RPS6KA6: variants seen among roughly 807,000 people sequenced by gnomAD.
The protein encoded by RPS6KA6 is ribosomal protein S6 kinase A6, also known as ribosomal protein S6 kinase alpha-6.
A neutral mutation model predicts 65.4 loss-of-function variants in RPS6KA6; 27 were observed. That is an observed-to-expected ratio of 0.41 (90% CI 0.30 to 0.57). RPS6KA6 has a LOEUF of 0.57. RPS6KA6 is among the 20% of genes least tolerant of loss of function. The pLI is 0.24. For synonymous variants in RPS6KA6, 190 were observed against 184.2 expected (o/e 1.03, Z -0.26); for missense variants, 486 against 555.6 (o/e 0.87, Z 1.26).
chrX:84,116,307 T>C lies in RPS6KA6; in HGVS notation c.950-20A>G, dbSNP rs1482016812. 6 of 995,272 alleles carry C rather than the reference T, an allele frequency of 6.0e-6. No homozygotes were observed. The highest frequency in any genetic ancestry group is 3.3e-5 in the East Asian group (1 of 30,121). 82.0% of individuals were successfully genotyped at this position (995,272 alleles called of 1,213,427 possible). On this transcript the variant is annotated intron_variant, in intron 11 of 21. Transcript: ENST00000262752. ...CTGATCCTATAAAAAAAAGAAATGA[T>C]ATTTTATTTTTATGATTTTTTTTAG... is the stretch of plus-strand genomic sequence containing the variant.
chrX:84,161,373 A>G (rs2035509135), intron 2 of RPS6KA6, among the ~76,000 whole-genome samples: 1 of 111,831 alleles, frequency 8.9e-6, no homozygotes, highest in Admixed American at 9.5e-5. Context: ...TCGACTTTAT[A>G]GTGGCTGACC....
At chrX:84,130,238 C>T (rs1668391997) in intron 8 of RPS6KA6, among the ~76,000 whole-genome samples, 1 of 111,066 alleles carries the variant, frequency 9.0e-6, no homozygotes, top group African/African-American at 3.3e-5. Context: ...AGACACTTCT[C>T]AAAGAAATAA....
intron 3 of RPS6KA6, among the ~76,000 whole-genome samples, chrX:84,152,711 G>A (rs2035349600): frequency 9.0e-6 from 1 of 111,412 alleles, no homozygotes; most frequent in African/African-American, 3.3e-5. Flanking sequence ...TGAGGACAGA[G>A]AAATTTGTCA....
Position 84,060,807 on chromosome X carries a change from G to C in RPS6KA6, c.*3470C>G, listed in dbSNP as rs771256213. 4 of 112,029 alleles carry C rather than the reference G, an allele frequency of 3.6e-5. No homozygotes were observed. Among genetic ancestry groups the C allele is most frequent in the African/African-American group, 1.3e-4 (4 of 30,881 alleles). 9.2% of individuals were successfully genotyped at this position (112,029 alleles called of 1,213,427 possible). A position where few individuals can be genotyped will look rare whatever the true frequency, so the allele number is the denominator to read the frequency against. ...TGAATTTAAAATTATCACCTTGTTAGATTGCCTGAAGATCCAGCAACTAAA... is the reference window on the plus strand; with the variant it reads ...TGAATTTAAAATTATCACCTTGTTACATTGCCTGAAGATCCAGCAACTAAA... On this transcript the variant is annotated 3_prime_UTR_variant, in exon 22 of 22. Transcript: ENST00000262752.
intron 1 of RPS6KA6, among the ~76,000 whole-genome samples, chrX:84,177,078 C>T (rs1435699541): frequency 1.8e-5 from 2 of 111,222 alleles, no homozygotes; most frequent in African/African-American, 3.3e-5. Context: ...AAAAAGACAG[C>T]CTTACTACAG....
intron 16 of RPS6KA6, 123 bp downstream of exon 16, chrX:84,105,664 T>A (rs761126134): frequency 5.6e-6 from 2 of 359,156 alleles, no homozygotes; most frequent in African/African-American, 5.3e-5. Flanking sequence ...AATTTAAGAG[T>A]CCTGAGATTT....
chrX:84,079,084 G>A (rs904669082), intron 20 of RPS6KA6, among the ~76,000 whole-genome samples: 5 of 111,408 alleles, frequency 4.5e-5, no homozygotes, highest in African/African-American at 1.3e-4. Context: ...CAAAAGGTGG[G>A]TGATTTCTGC....
chrX:84,080,814 T>A (rs1265868286), intron 20 of RPS6KA6, among the ~76,000 whole-genome samples: 1 of 110,898 alleles, frequency 9.0e-6, no homozygotes, highest in Admixed American at 9.6e-5. Context: ...GAACTCAGGA[T>A]TAAGGAACTC....
intron 20 of RPS6KA6, among the ~76,000 whole-genome samples, chrX:84,086,525 T>A (rs947205586): frequency 1.8e-5 from 2 of 111,371 alleles, no homozygotes; most frequent in African/African-American, 6.6e-5. Flanking sequence ...GAGGACTGTT[T>A]GTTATGATTT....
chrX:84,186,431 CAAGA>C (rs1017521295), intron 1 of RPS6KA6, among the ~76,000 whole-genome samples: 4 of 111,866 alleles, frequency 3.6e-5, no homozygotes, highest in African/African-American at 1.3e-4. Flanking sequence ...CACATTTCAA[CAAGA>C]AAGGAACGCC....
intron 11 of RPS6KA6, among the ~76,000 whole-genome samples, chrX:84,116,642 C>T (rs2034572286): frequency 9.1e-6 from 1 of 109,999 alleles, no homozygotes. Context: ...GAAATTTTCA[C>T]ACAAGGGCAT....
intron 12 of RPS6KA6, among the ~76,000 whole-genome samples, chrX:84,114,750 C>T (rs2034532989): frequency 9.0e-6 from 1 of 111,465 alleles, no homozygotes; most frequent in South Asian, 3.8e-4. Context: ...AGTACTTGTA[C>T]AAAAATAGAC....
At chrX:84,099,704 G>A (rs1027686344) in intron 18 of RPS6KA6, among the ~76,000 whole-genome samples, 5 of 111,236 alleles carry the variant, frequency 4.5e-5, no homozygotes, top group South Asian at 7.4e-4. Flanking sequence ...ATAATATAAC[G>A]TAGTGGATTT....
At chrX:84,158,702 A>T (rs1394988695) in intron 2 of RPS6KA6, among the ~76,000 whole-genome samples, 1 of 111,607 alleles carries the variant, frequency 9.0e-6, no homozygotes, top group Non-Finnish European at 1.9e-5. Context: ...ATGCTTAGCC[A>T]TTTGCCTTTT....
chrX:84,128,330 C>A (rs188862064), intron 8 of RPS6KA6, among the ~76,000 whole-genome samples: 5 of 110,998 alleles, frequency 4.5e-5, no homozygotes, highest in Non-Finnish European at 9.5e-5. Flanking sequence ...AAGGAATGTA[C>A]TAAAATGAGG....
chrX:84,179,037 T>A (rs1018102349), intron 1 of RPS6KA6, among the ~76,000 whole-genome samples: 2 of 111,449 alleles, frequency 1.8e-5, no homozygotes, highest in African/African-American at 6.5e-5. Context: ...GGACTTGCAT[T>A]TGGAATATAA....
chrX:84,170,924 C>T (rs772551569), intron 1 of RPS6KA6, among the ~76,000 whole-genome samples: 4 of 111,148 alleles, frequency 3.6e-5, no homozygotes, highest in African/African-American at 1.3e-4. Flanking sequence ...TCCTTGCTGA[C>T]TTGATTGAAG....
At chrX:84,095,977 T>C (rs960991292) in intron 20 of RPS6KA6, among the ~76,000 whole-genome samples, 1 of 111,855 alleles carries the variant, frequency 8.9e-6, no homozygotes, top group African/African-American at 3.2e-5. Context: ...TAATATTCCC[T>C]GCACATATGT....
intron 20 of RPS6KA6, among the ~76,000 whole-genome samples, chrX:84,084,396 A>T (rs1405517730): frequency 2.7e-5 from 3 of 111,961 alleles, no homozygotes; most frequent in Non-Finnish European, 5.6e-5. Context: ...TATAAGGTGT[A>T]TGGAAGGGGT....
Sources: allele counts gnomAD v4.1 joint callset (sites outside exome capture counted in the v4.1 genomes callset), GRCh38; gene constraint gnomAD v4.1.1; transcripts MANE v1.5; gene names NCBI Gene and HGNC (gene_info 2026-07-23, HGNC 2026-07-21).